The following TENM3 variants were observed in gnomAD, a reference collection of about 807,000 sequenced individuals.
TENM3 encodes teneurin-3.
TENM3 carries 63 observed loss-of-function variants against 255.1 expected under a neutral mutation model. The observed-to-expected ratio is 0.25, with a 90% CI of 0.20 to 0.30. The LOEUF is 0.30. Among genes scored for constraint, TENM3 ranks in the 10% least tolerant of loss-of-function variants. The pLI, the probability that TENM3 is intolerant of heterozygous loss-of-function variation, is 1.00. For missense variants in TENM3, 2,929 were observed against 3,461.1 expected, an observed-to-expected ratio of 0.85 and a Z score of 3.86; for synonymous variants, 1,306 against 1,322.3, an observed-to-expected ratio of 0.99 and a Z score of 0.27.
intron 1 of TENM3, among the ~76,000 whole-genome samples, chr4:182,183,904 A>G (rs987105563): frequency 5.9e-5 from 9 of 152,216 alleles, no homozygotes; most frequent in African/African-American, 2.2e-4. Flanking sequence ...TGAGTTTAGT[A>G]AAGTTAAAAA....
chr4:182,475,103 A>G (rs977587946), intron 3 of TENM3, among the ~76,000 whole-genome samples: 1 of 152,106 alleles, frequency 6.6e-6, no homozygotes, highest in Non-Finnish European at 1.5e-5. Flanking sequence ...CCTTCCTTCC[A>G]CTAGTCACAA....
chr4:182,244,654 T>C (rs574909762), intron 1 of TENM3, among the ~76,000 whole-genome samples: 19 of 152,174 alleles, frequency 1.2e-4, no homozygotes, highest in Non-Finnish European at 2.2e-4. Context: ...CCCAGGCTCT[T>C]CCCTCCAGTG....
chr4:182,540,107 G>C (rs906298331), intron 3 of TENM3, among the ~76,000 whole-genome samples: 1 of 152,226 alleles, frequency 6.6e-6, no homozygotes, highest in African/African-American at 2.4e-5. Context: ...AAGAAAGTTT[G>C]ATTTGAATGT....
intron 3 of TENM3, among the ~76,000 whole-genome samples, chr4:182,515,654 CAGAAGGATGAGGTTTAATGTA>C (rs1347208714): frequency 2.0e-5 from 3 of 151,466 alleles, no homozygotes; most frequent in African/African-American, 7.3e-5. Context: ...CCTCCTTAAG[CAGAAGGATGAGGTTTAATGTA>C]AGGAGAGGAG....
At chr4:181,734,041 C>T in the TENM3 span, among the ~76,000 whole-genome samples, 1 of 151,960 alleles carries the variant, frequency 6.6e-6, no homozygotes, top group African/African-American at 2.4e-5. Context: ...TTGAAAATTT[C>T]CTTTTATACT....
the TENM3 span, among the ~76,000 whole-genome samples, chr4:181,566,670 T>G: frequency 2.0e-5 from 3 of 152,168 alleles, no homozygotes; most frequent in Admixed American, 6.5e-5. Context: ...CCGTCTGGTT[T>G]TCAGCTGTTG....
chr4:181,873,193 G>A, the TENM3 span, among the ~76,000 whole-genome samples: 5 of 151,826 alleles, frequency 3.3e-5, no homozygotes, highest in African/African-American at 9.7e-5. Context: ...TCAGCCTCCC[G>A]AGTAGCTGAG....
intron 4 of TENM3, among the ~76,000 whole-genome samples, chr4:182,608,865 G>T (rs939661920): frequency 6.6e-6 from 1 of 152,168 alleles, no homozygotes; most frequent in Non-Finnish European, 1.5e-5. Context: ...AAAGGAGCTC[G>T]CCCGCCAGTG....
intron 26 of TENM3, among the ~76,000 whole-genome samples, chr4:182,795,779 AAG>A (rs1406770781): frequency 3.9e-5 from 6 of 152,214 alleles, no homozygotes; most frequent in African/African-American, 1.4e-4. Context: ...AAAACATCAA[AAG>A]AGAGATGGAA....
chr4:182,437,744 G>A (rs974199994), intron 3 of TENM3, among the ~76,000 whole-genome samples: 3 of 151,786 alleles, frequency 2.0e-5, no homozygotes, highest in Admixed American at 1.3e-4. Context: ...GTTGCAGTGA[G>A]GTGAGATCGC....
chr4:182,481,425 A>G (rs968984604), intron 3 of TENM3, among the ~76,000 whole-genome samples: 5 of 152,198 alleles, frequency 3.3e-5, no homozygotes, highest in African/African-American at 1.2e-4. Context: ...GTGCTTAAAG[A>G]TTCATTATTC....
At chr4:182,381,205 A>C (rs763621625) in intron 3 of TENM3, among the ~76,000 whole-genome samples, 10 of 152,220 alleles carry the variant, frequency 6.6e-5, no homozygotes, top group African/African-American at 1.9e-4. Context: ...GACAGGGGGA[A>C]GTCACAGAAA....
chr4:182,226,421 A>G (rs1347484094), intron 1 of TENM3, among the ~76,000 whole-genome samples: 2 of 152,210 alleles, frequency 1.3e-5, no homozygotes, highest in Admixed American at 6.5e-5. Flanking sequence ...ATGAGTTTCT[A>G]TTTCAACAAT....
intron 1 of TENM3, among the ~76,000 whole-genome samples, chr4:182,322,173 CAG>C (rs1763095974): frequency 6.6e-6 from 1 of 152,026 alleles, no homozygotes; most frequent in Non-Finnish European, 1.5e-5. Flanking sequence ...AGTAATGAAT[CAG>C]AGGGGTCAGT....
chr4:182,238,444 G>A (rs1187844590), upstream of TENM3, among the ~76,000 whole-genome samples: 1 of 152,126 alleles, frequency 6.6e-6, no homozygotes, highest in Non-Finnish European at 1.5e-5. Flanking sequence ...AGGGGAACCT[G>A]CCCTATCCAC....
At chr4:181,590,667 C>G in the TENM3 span, among the ~76,000 whole-genome samples, 860 of 152,266 alleles carry the variant, frequency 5.6e-3, 11 homozygotes, top group African/African-American at 0.02. Flanking sequence ...GAGGAATTGC[C>G]TTCCCAACAG....
chr4:181,936,096 T>C, the TENM3 span, among the ~76,000 whole-genome samples: 10 of 152,278 alleles, frequency 6.6e-5, no homozygotes, highest in Admixed American at 6.5e-4. Context: ...TTATTTTGCA[T>C]AATTAAGAAT....
chr4:181,814,587 C>T, the TENM3 span, among the ~76,000 whole-genome samples: 56 of 149,490 alleles, frequency 3.7e-4, no homozygotes, highest in African/African-American at 1.2e-3. Flanking sequence ...TTTTTAAATG[C>T]GTGTGTGTGT....
the TENM3 span, among the ~76,000 whole-genome samples, chr4:181,721,530 G>A: frequency 1.5e-5 from 1 of 68,438 alleles, no homozygotes; most frequent in Non-Finnish European, 3.0e-5. Flanking sequence ...AACCCGGGAG[G>A]CGGAGCTTGC....
Sources: allele counts gnomAD v4.1 joint callset (sites outside exome capture counted in the v4.1 genomes callset), GRCh38; gene constraint gnomAD v4.1.1; transcripts MANE v1.5; gene names NCBI Gene and HGNC (gene_info 2026-07-23, HGNC 2026-07-21).